Variants in KCND2 observed in about 807,000 individuals in gnomAD.
KCND2 encodes A-type voltage-gated potassium channel KCND2.
KCND2 carries 16 observed loss-of-function variants against 54.4 expected under a neutral mutation model. That is an observed-to-expected ratio of 0.29 (90% CI 0.20 to 0.45). The LOEUF is 0.45. Ranked by LOEUF, KCND2 falls within the 20% of genes least tolerant of loss-of-function variation. The probability of loss-of-function intolerance (pLI) is 1.00; values close to 1 mark genes in which losing one functional copy is unlikely to be tolerated. For missense variants in KCND2, 486 were observed against 824.2 expected (o/e 0.59, Z 5.02); for synonymous variants, 317 against 310.7 (o/e 1.02, Z -0.21).
intron 1 of KCND2, among the ~76,000 whole-genome samples, chr7:120,400,442 G>A (rs938292962): frequency 5.9e-5 from 9 of 152,048 alleles, no homozygotes; most frequent in African/African-American, 9.7e-5. Context: ...AAAGTAACAC[G>A]TTTCCATGTG....
At chr7:120,712,235 A>T (rs1438937841) in intron 1 of KCND2, among the ~76,000 whole-genome samples, 2 of 52,676 alleles carry the variant, frequency 3.8e-5, no homozygotes, top group East Asian at 4.4e-4. Flanking sequence ...AATTTTGGAT[A>T]TCTGAATTTT....
At chr7:120,647,313 C>T (rs1793454129) in intron 1 of KCND2, among the ~76,000 whole-genome samples, 1 of 152,208 alleles carries the variant, frequency 6.6e-6, no homozygotes, top group Non-Finnish European at 1.5e-5. Flanking sequence ...ACTCAGTTCT[C>T]TGTGGCTGGC....
At chr7:120,423,164 G>A (rs1047124564) in intron 1 of KCND2, among the ~76,000 whole-genome samples, 2 of 152,166 alleles carry the variant, frequency 1.3e-5, no homozygotes, top group Non-Finnish European at 2.9e-5. Flanking sequence ...AGGGCTTGGT[G>A]TCTGACTTCT....
intron 1 of KCND2, among the ~76,000 whole-genome samples, chr7:120,479,756 C>CCAT (rs1802576501): frequency 7.0e-6 from 1 of 142,932 alleles, no homozygotes; most frequent in Non-Finnish European, 1.5e-5. Flanking sequence ...TGGCAAAACC[C>CCAT]CATCTCTAAA....
chr7:120,511,022 T>A (rs1056328173), intron 1 of KCND2, among the ~76,000 whole-genome samples: 3 of 140,108 alleles, frequency 2.1e-5, no homozygotes, highest in East Asian at 2.0e-4. Context: ...TCTCTCTCTC[T>A]CTCACACACA....
chr7:120,375,931 C>A (rs1800830180), intron 1 of KCND2, among the ~76,000 whole-genome samples: 2 of 151,634 alleles, frequency 1.3e-5, no homozygotes, highest in Non-Finnish European at 2.9e-5. Flanking sequence ...GTTGTCATAG[C>A]AAACATTCTT....
At chr7:120,374,368 G>A (rs1167484757) in intron 1 of KCND2, among the ~76,000 whole-genome samples, 1 of 151,382 alleles carries the variant, frequency 6.6e-6, no homozygotes, top group East Asian at 1.9e-4. Flanking sequence ...ATTCTTAGTC[G>A]GCTTACTTTT....
chr7:120,476,106 G>T (rs922476175), intron 1 of KCND2, among the ~76,000 whole-genome samples: 1 of 152,186 alleles, frequency 6.6e-6, no homozygotes, highest in African/African-American at 2.4e-5. Flanking sequence ...TATGTAAGTG[G>T]TTGCATGCAC....
chr7:120,330,723 G>A (rs993517201), intron 1 of KCND2, among the ~76,000 whole-genome samples: 4 of 151,784 alleles, frequency 2.6e-5, no homozygotes, highest in African/African-American at 9.7e-5. Context: ...TCTATCAAAG[G>A]CAATGGATGG....
chr7:120,417,583 G>A (rs542608770), intron 1 of KCND2, among the ~76,000 whole-genome samples: 80 of 152,256 alleles, frequency 5.3e-4, no homozygotes, highest in African/African-American at 1.8e-3. Flanking sequence ...AGAAATAAAA[G>A]GCTAAAACAA....
chr7:120,407,093 G>T (rs747703363), intron 1 of KCND2, among the ~76,000 whole-genome samples: 16 of 151,882 alleles, frequency 1.1e-4, no homozygotes, highest in Non-Finnish European at 2.1e-4. Flanking sequence ...CACCTTCATG[G>T]CGCTATGGTT....
intron 1 of KCND2, among the ~76,000 whole-genome samples, chr7:120,316,732 G>C (rs1194308149): frequency 1.3e-5 from 2 of 151,820 alleles, no homozygotes; most frequent in African/African-American, 4.8e-5. Context: ...GTGTCCATGT[G>C]TAAATTTTTT....
intron 2 of KCND2, among the ~76,000 whole-genome samples, chr7:120,738,678 AG>A (rs2116165644): frequency 6.6e-6 from 1 of 152,178 alleles, no homozygotes; most frequent in South Asian, 2.1e-4. Context: ...ATGTCCTAAA[AG>A]GGTCGGGGGT....
At chr7:120,439,994 T>G (rs1303460177) in intron 1 of KCND2, among the ~76,000 whole-genome samples, 3 of 152,096 alleles carry the variant, frequency 2.0e-5, no homozygotes, top group Non-Finnish European at 1.5e-5. Flanking sequence ...ACTGATTTCA[T>G]TTCCTTTGGA....
At chr7:120,429,098 A>G (rs113663256) in intron 1 of KCND2, among the ~76,000 whole-genome samples, 96 of 152,302 alleles carry the variant, frequency 6.3e-4, no homozygotes, top group African/African-American at 2.2e-3. Context: ...TTAGGTTTGT[A>G]TAGAAGAGCC....
At chr7:120,523,223 C>T (rs970795653) in intron 1 of KCND2, among the ~76,000 whole-genome samples, 1 of 152,092 alleles carries the variant, frequency 6.6e-6, no homozygotes, top group Non-Finnish European at 1.5e-5. Flanking sequence ...AAGCTAAATG[C>T]TTTAACATTA....
At chr7:120,289,983 A>G (rs1049588455) in intron 1 of KCND2, among the ~76,000 whole-genome samples, 12 of 152,100 alleles carry the variant, frequency 7.9e-5, no homozygotes, top group Non-Finnish European at 1.3e-4. Context: ...GCACCAAATA[A>G]GAAAATAAAT....
At chr7:120,678,603 A>G (rs1792099323) in intron 1 of KCND2, among the ~76,000 whole-genome samples, 2 of 147,924 alleles carry the variant, frequency 1.4e-5, no homozygotes, top group African/African-American at 4.9e-5. Context: ...ATATATATAC[A>G]CATACACACA....
At chr7:120,507,307 G>A (rs1030053813) in intron 1 of KCND2, among the ~76,000 whole-genome samples, 1 of 151,836 alleles carries the variant, frequency 6.6e-6, no homozygotes, top group African/African-American at 2.4e-5. Flanking sequence ...GGAGACATCT[G>A]TTGACTTTTC....
Sources: gnomAD v4.1 joint callset for allele counts (sites outside exome capture counted in the v4.1 genomes callset) on GRCh38, gnomAD v4.1.1 for gene constraint, MANE v1.5 for transcripts, NCBI Gene and HGNC (gene_info 2026-07-23, HGNC 2026-07-21) for gene names.